The following EYA1 variants were observed in gnomAD, a reference collection of about 807,000 sequenced individuals.
EYA1 encodes protein phosphatase EYA1.
Under a neutral mutation model 82.0 loss-of-function variants are expected in EYA1, and 16 were observed. The observed-to-expected ratio is 0.20, with a 90% CI of 0.13 to 0.30. The LOEUF (loss-of-function observed/expected upper bound fraction) is 0.30, where lower values mean the gene tolerates loss of function less well. Among genes scored for constraint, EYA1 ranks in the 10% least tolerant of loss-of-function variants. The pLI, the probability that EYA1 is intolerant of heterozygous loss-of-function variation, is 1.00. For synonymous variants in EYA1, 261 were observed against 264.4 expected (o/e 0.99, Z 0.12); for missense variants, 633 against 730.7 (o/e 0.87, Z 1.54).
intron 2 of EYA1, among the ~76,000 whole-genome samples, chr8:71,519,321 A>G (rs1813219231): frequency 6.6e-6 from 1 of 152,240 alleles, no homozygotes; most frequent in African/African-American, 2.4e-5. Flanking sequence ...TAGTGTAGTT[A>G]GCTACTTTAA....
At position 71,402,873 on chromosome 8, in the gene EYA1, T is replaced by C. The variant is rs978967921; in HGVS notation, c.34-46362A>G. On this transcript the variant is annotated intron_variant, in intron 2 of 18. Transcript: ENST00000643681. ...AGTAGAAAAAGTAGAACTTATTTAA[T>C]AAATACTGTAAGCATAGCTGGCTGG... 5.5e-4 allele frequency among the ~76,000 whole-genome samples: 83 copies of C among 152,218 alleles called. 1 individual carries two copies. The highest frequency in any genetic ancestry group is 2.0e-3 in the African/African-American group (81 of 41,454).
intron 2 of EYA1, among the ~76,000 whole-genome samples, chr8:71,472,647 G>A (rs1024838032): frequency 2.0e-5 from 3 of 151,846 alleles, no homozygotes; most frequent in African/African-American, 2.4e-5. Context: ...GAAAGACTAA[G>A]TATCTTGCAT....
intron 2 of EYA1, chr8:71,403,312 A>G (rs1408788663): frequency 2.0e-5 from 3 of 152,236 alleles, no homozygotes; most frequent in Non-Finnish European, 4.4e-5. Flanking sequence ...AAAGAAATGT[A>G]TCATTACTAT....
At chr8:71,454,417 G>T (rs200546331) in intron 2 of EYA1, among the ~76,000 whole-genome samples, 1 of 152,062 alleles carries the variant, frequency 6.6e-6, no homozygotes, top group Non-Finnish European at 1.5e-5. Context: ...TGCACCAAGC[G>T]GACTTAATAG....
chr8:71,325,605 T>G (rs746795214), intron 4 of EYA1, among the ~76,000 whole-genome samples: 1 of 152,222 alleles, frequency 6.6e-6, no homozygotes, highest in Non-Finnish European at 1.5e-5. Context: ...TATTTTAAGT[T>G]TTTTTAATAA....
chr8:71,325,966 T>C (rs1442958976), intron 4 of EYA1, among the ~76,000 whole-genome samples: 1 of 152,178 alleles, frequency 6.6e-6, no homozygotes, highest in Non-Finnish European at 1.5e-5. Flanking sequence ...CAAAATCATC[T>C]AAAACAAAGG....
chr8:71,427,226 G>C (rs1805298232), intron 2 of EYA1, among the ~76,000 whole-genome samples: 1 of 152,114 alleles, frequency 6.6e-6, no homozygotes, highest in Admixed American at 6.5e-5. Flanking sequence ...CCTTGCTGTT[G>C]CTTCGGATGG....
chr8:71,352,131 A>C (rs1419185322), intron 3 of EYA1, among the ~76,000 whole-genome samples: 1 of 152,212 alleles, frequency 6.6e-6, no homozygotes, highest in Non-Finnish European at 1.5e-5. Context: ...CCTTTAATTC[A>C]TCGGTAAACA....
intron 2 of EYA1, among the ~76,000 whole-genome samples, chr8:71,444,247 G>T (rs1443418057): frequency 1.3e-5 from 2 of 152,182 alleles, no homozygotes. Context: ...AGCAAAAGTG[G>T]TTCATGACCA....
At chr8:71,341,914 A>G (rs768460781) in intron 3 of EYA1, among the ~76,000 whole-genome samples, 4 of 152,218 alleles carry the variant, frequency 2.6e-5, no homozygotes, top group Admixed American at 6.5e-5. Context: ...CAATAGCAGC[A>G]TGTGCAATTA....
upstream of EYA1, among the ~76,000 whole-genome samples, chr8:71,364,914 G>C (rs868750877): frequency 7.7e-6 from 1 of 129,708 alleles, no homozygotes; most frequent in Admixed American, 8.3e-5. Flanking sequence ...TAGGTTAAGG[G>C]CATGATCAAA....
intron 2 of EYA1, chr8:71,535,629 G>A (rs533479070): frequency 6.0e-6 from 4 of 668,368 alleles, no homozygotes; most frequent in African/African-American, 1.8e-5. Context: ...TTAAAAATTG[G>A]TACATTGGTA....
intron 2 of EYA1, among the ~76,000 whole-genome samples, chr8:71,392,357 A>G (rs1186572254): frequency 6.6e-6 from 1 of 152,192 alleles, no homozygotes; most frequent in East Asian, 1.9e-4. Flanking sequence ...CTGCAGCTAC[A>G]GCGCTGTGAC....
intron 2 of EYA1, among the ~76,000 whole-genome samples, chr8:71,533,553 G>A (rs1018240805): frequency 3.3e-5 from 5 of 152,098 alleles, no homozygotes; most frequent in Admixed American, 6.6e-5. Flanking sequence ...TGGGTGTGTC[G>A]CCCAGGCTAG....
chr8:71,240,432 C>T (rs1418032328), intron 12 of EYA1, among the ~76,000 whole-genome samples: 1 of 152,180 alleles, frequency 6.6e-6, no homozygotes. Flanking sequence ...CTAAACAATG[C>T]ACTGAAAGAG....
chr8:71,402,724 TA>T (rs1830022077), intron 2 of EYA1, among the ~76,000 whole-genome samples: 1 of 152,152 alleles, frequency 6.6e-6, no homozygotes. Context: ...AAGATTATGC[TA>T]ATTAAAATGG....
At chr8:71,245,849 C>T (rs1365039185) in intron 11 of EYA1, among the ~76,000 whole-genome samples, 1 of 152,196 alleles carries the variant, frequency 6.6e-6, no homozygotes, top group Admixed American at 6.5e-5. Flanking sequence ...GGGCATCAAA[C>T]AGCCCATGCC....
intron 2 of EYA1, among the ~76,000 whole-genome samples, chr8:71,397,272 C>A (rs892061691): frequency 2.0e-5 from 3 of 152,276 alleles, no homozygotes; most frequent in African/African-American, 4.8e-5. Context: ...TTAATTGGAG[C>A]ATTTAGCCTA....
chr8:71,522,619 CT>C (rs35579621), intron 2 of EYA1, among the ~76,000 whole-genome samples: 5,192 of 135,500 alleles, frequency 0.038, 165 homozygotes, highest in African/African-American at 0.12. Context: ...TCAATACAAA[CT>C]TTTTTTTTTT....
Sources: gnomAD v4.1 joint callset for allele counts (sites outside exome capture counted in the v4.1 genomes callset) on GRCh38, gnomAD v4.1.1 for gene constraint, MANE v1.5 for transcripts, NCBI Gene and HGNC (gene_info 2026-07-23, HGNC 2026-07-21) for gene names.